The following LYRM1 variants were observed in gnomAD, a reference collection of about 807,000 sequenced individuals.
The protein encoded by LYRM1 is LYR motif-containing protein 1.
In LYRM1, 14 loss-of-function variants were observed where a neutral mutation model predicts 14.9. The ratio of observed to expected loss-of-function variants is 0.94; its 90% CI spans 0.62 to 1.47. The LOEUF (loss-of-function observed/expected upper bound fraction) is 1.47. LYRM1 is among the 40% of genes most tolerant of loss of function. LYRM1 has a pLI of 0.00. For synonymous variants in LYRM1, 43 were observed against 56.2 expected, an observed-to-expected ratio of 0.77 and a Z score of 1.05; for missense variants, 153 against 149.9, an observed-to-expected ratio of 1.02 and a Z score of -0.11.
At chr16:20,920,266 G>T in intron 3 of LYRM1, 52 bp downstream of exon 3, 1 of 1,318,160 alleles carries the variant, frequency 7.6e-7, no homozygotes, top group Non-Finnish European at 1.1e-6. Context: ...CATCAACCTG[G>T]TTATTTCCAA....
Position 20,924,194 on chromosome 16 carries a change from A to G in LYRM1, c.*78A>G. 2.7e-6 allele frequency: 2 copies of G among 745,456 alleles called. No individual in the cohort carries two copies. Among genetic ancestry groups the G allele is most frequent in the Non-Finnish European group, 4.5e-6 (2 of 442,736 alleles). 46.2% of individuals were successfully genotyped at this position (745,456 alleles called of 1,614,324 possible). A position where few individuals can be genotyped will look rare whatever the true frequency, so the allele number is the denominator to read the frequency against. On this transcript the variant is annotated 3_prime_UTR_variant, in exon 4 of 4. Transcript: ENST00000567954. Reference sequence around the variant, plus strand: ...AAACCAGATGGCAAAACACTTCTTGATTAGGGGCAAAAATTCAAATGTCTT... The same window carrying G: ...AAACCAGATGGCAAAACACTTCTTGGTTAGGGGCAAAAATTCAAATGTCTT...
intron 3 of LYRM1, among the ~76,000 whole-genome samples, chr16:20,922,335 C>T (rs933578150): frequency 1.3e-5 from 2 of 151,916 alleles, no homozygotes; most frequent in Non-Finnish European, 2.9e-5. Context: ...TAAGAATGTG[C>T]CATTGTGTTA....
chr16:20,913,076 A>G (rs1216907422), intron 1 of LYRM1, among the ~76,000 whole-genome samples: 1 of 146,952 alleles, frequency 6.8e-6, no homozygotes, highest in Non-Finnish European at 1.5e-5. Flanking sequence ...CAAAAATAAT[A>G]ATAATAATAA....
intron 1 of LYRM1, among the ~76,000 whole-genome samples, chr16:20,913,910 A>G (rs2082729678): frequency 2.0e-5 from 3 of 151,458 alleles, no homozygotes. Flanking sequence ...CCGGGTTCAT[A>G]CCATTCTCCT....
rs999071235 is a variant in LYRM1, at chr16:20,904,675, G to A, written c.-1+3786G>A. ...GTAACCAAAAACTGAATCTGAAACA[G>A]GAAATAAGTCTGTGGTTGTGTGTGT... On this transcript the variant is annotated intron_variant, in intron 1 of 3. Coordinates refer to ENST00000567954, the MANE Select transcript of LYRM1 (RefSeq NM_001128302.3). Among the ~76,000 whole-genome samples, 4 of 139,794 alleles carry A rather than the reference G, an allele frequency of 2.9e-5. No individual in the cohort carries two copies. In the East Asian group the frequency reaches 8.6e-4, roughly 30 times the overall value. The allele number at this position is 139,794 out of a possible 152,430, so 91.7% of individuals were successfully genotyped here.
At position 20,916,789 on chromosome 16, in the gene LYRM1, C is replaced by T. The variant is rs1381217999; in HGVS notation, c.159+1075C>T. 2.0e-5 allele frequency among the ~76,000 whole-genome samples: 3 copies of T among 152,202 alleles called. No individual in the cohort carries two copies. In the East Asian group the frequency reaches 5.8e-4, roughly 29 times the overall value. On this transcript the variant is annotated intron_variant, in intron 2 of 3. Coordinates refer to ENST00000567954, the MANE Select transcript of LYRM1 (RefSeq NM_001128302.3). The stretch of plus-strand genomic sequence containing the variant: ...TGCAACTCTTTGTTCTCATTCCTCA[C>T]TCAACAAATATTTGATTGCCCACTA...
In LYRM1 at chr16:20,920,131, A is replaced by G; in HGVS notation, c.169A>G (p.Thr57Ala). The G allele has an allele frequency of 1.2e-6, 2 of 1,612,236 alleles. No individual in the cohort carries two copies. The highest frequency in any genetic ancestry group is 1.7e-6 in the Non-Finnish European group (2 of 1,178,436). The change falls in exon 3 of 4, where the codon ACA becomes GCA. Residue 57 changes from threonine (T) to alanine (A), a missense_variant. Coordinates refer to ENST00000567954, the MANE Select transcript of LYRM1 (RefSeq NM_001128302.3). The stretch of plus-strand genomic sequence containing the variant: ...TTCTCCCTTTTAATAGCTCACGGAC[A>G]CAGACCTAATTAAACAGTGTATAGA... ...LFRKNKNLTD[T>A]DLIKQCIDEC... is the part of the protein sequence containing the mutation.
intron 2 of LYRM1, 102 bp downstream of exon 2, chr16:20,915,816 C>A: frequency 7.8e-7 from 1 of 1,287,016 alleles, no homozygotes; most frequent in South Asian, 1.5e-5. Context: ...GCCGCACAGT[C>A]ATGGTGGCAG....
Position 20,924,403 on chromosome 16 carries a change from G to C in LYRM1, c.*287G>C, listed in dbSNP as rs1567471830. 1.1e-5 allele frequency: 3 copies of C among 263,576 alleles called. No individual in the cohort carries two copies. In the South Asian group the frequency reaches 1.9e-4, roughly 17 times the overall value. The allele number at this position is 263,576 out of a possible 1,614,324, so 16.3% of individuals were successfully genotyped here. A position where few individuals can be genotyped will look rare whatever the true frequency, so the allele number is the denominator to read the frequency against. On this transcript the variant is annotated 3_prime_UTR_variant, in exon 4 of 4. Transcript: ENST00000567954. ...AGAAGGAAAGCGGAAGGATGTAAGA[G>C]CTGTTCATGGGAATTCCATTCACCA...
chr16:20,912,913 G>T (rs1002548316), intron 1 of LYRM1, among the ~76,000 whole-genome samples: 1 of 151,372 alleles, frequency 6.6e-6, no homozygotes, highest in Non-Finnish European at 1.5e-5. Flanking sequence ...CTAAAAATAC[G>T]AAATTAGCCA....
At position 20,915,701 on chromosome 16, in the gene LYRM1, G is replaced by A. The variant is rs1247530649; in HGVS notation, c.146G>A (p.Arg49Gln). Residue 49 changes from arginine (R) to glutamine (Q), a missense_variant, in exon 2 of 4, where the codon CGG (arginine) becomes CAG (glutamine). Transcript: ENST00000567954. Reference sequence around the variant, plus strand: ...CTAAATGAAGCCAGAACGCTGTTCCGGAAAAACAAAAATGTAAGTAGGCCC... The same window carrying A: ...CTAAATGAAGCCAGAACGCTGTTCCAGAAAAACAAAAATGTAAGTAGGCCC... ...YILNEARTLF[R>Q]KNKNLTDTDL... The A allele has an allele frequency of 9.9e-6, 16 of 1,613,642 alleles. No homozygotes were observed. Among genetic ancestry groups the A allele is most frequent in the Middle Eastern group, 1.7e-4 (1 of 6,044 alleles).
chr16:20,923,867 G>C (rs1596825271), intron 3 of LYRM1, 133 bp from the exon 4 acceptor site: 1 of 561,342 alleles, frequency 1.8e-6, no homozygotes, highest in East Asian at 3.0e-5. Flanking sequence ...GGATTAACTT[G>C]TGTAAAGATT....
At chr16:20,923,945 A>G (rs2083335943) in intron 3 of LYRM1, 55 bp from the exon 4 acceptor site, 1 of 968,378 alleles carries the variant, frequency 1.0e-6, no homozygotes, top group Non-Finnish European at 1.6e-6. Context: ...CTCAGTGAAT[A>G]TGAGCTGCTG....
intron 1 of LYRM1, among the ~76,000 whole-genome samples, chr16:20,907,355 T>A (rs2152532837): frequency 6.6e-6 from 1 of 152,260 alleles, no homozygotes; most frequent in African/African-American, 2.4e-5. Context: ...GCATTCATGT[T>A]CATCTTTTTT....
chr16:20,913,693 C>G (rs1316174990), intron 1 of LYRM1, among the ~76,000 whole-genome samples: 5 of 152,170 alleles, frequency 3.3e-5, no homozygotes, highest in Admixed American at 3.3e-4. Flanking sequence ...ATACAATTAG[C>G]TTTACAGAAT....
intron 1 of LYRM1, among the ~76,000 whole-genome samples, chr16:20,910,646 C>T (rs1380617637): frequency 1.3e-4 from 20 of 152,126 alleles, no homozygotes; most frequent in African/African-American, 1.2e-4. Flanking sequence ...TTGTGGCGCA[C>T]GCCTGAGGTC....
intron 2 of LYRM1, among the ~76,000 whole-genome samples, chr16:20,919,619 G>A (rs1268141403): frequency 6.6e-6 from 1 of 152,192 alleles, no homozygotes; most frequent in Non-Finnish European, 1.5e-5. Flanking sequence ...TAGGAGATTG[G>A]TGAAATTATA....
intron 1 of LYRM1, among the ~76,000 whole-genome samples, chr16:20,902,950 CCACAA>C (rs2082138697): frequency 6.6e-6 from 1 of 152,148 alleles, no homozygotes; most frequent in African/African-American, 2.4e-5. Context: ...GCCAAGCCCA[CCACAA>C]TTACGATCAG....
At chr16:20,907,917 G>A (rs2082402839) in intron 1 of LYRM1, among the ~76,000 whole-genome samples, 1 of 151,910 alleles carries the variant, frequency 6.6e-6, no homozygotes, top group Non-Finnish European at 1.5e-5. Context: ...TAGAATATAA[G>A]CTCAAGGAGG....
Sources: allele counts gnomAD v4.1 joint callset (sites outside exome capture counted in the v4.1 genomes callset), GRCh38; gene constraint gnomAD v4.1.1; transcripts MANE v1.5; gene names NCBI Gene and HGNC (gene_info 2026-07-23, HGNC 2026-07-21).